LSAMP: variants seen among roughly 807,000 people sequenced by gnomAD.
LSAMP encodes limbic system associated membrane protein, also known as limbic system-associated membrane protein.
A neutral mutation model predicts 38.6 loss-of-function variants in LSAMP; 7 were observed. The observed-to-expected ratio is 0.18, with a 90% CI of 0.10 to 0.34. LSAMP has a LOEUF of 0.34. Among genes scored for constraint, LSAMP ranks in the 10% least tolerant of loss-of-function variants. The pLI is 1.00. For synonymous variants in LSAMP, 154 were observed against 166.8 expected (o/e 0.92, Z 0.59); for missense variants, 313 against 420.0 (o/e 0.75, Z 2.23).
chr3:116,440,547 A>AGGTG (rs1244555097), intron 1 of LSAMP, among the ~76,000 whole-genome samples: 1 of 152,218 alleles, frequency 6.6e-6, no homozygotes, highest in Non-Finnish European at 1.5e-5. Context: ...ACAGAAACAC[A>AGGTG]GGTGGCCACA....
At position 116,286,115 on chromosome 3, in the gene LSAMP, G is replaced by C. The variant is rs1274805822; in HGVS notation, c.155+158762C>G. ...TAACTTTGAAATTCCAGGAGGAGAA[G>C]AGGGGCATTTGAGGCAATGTCCTTC... is the stretch of plus-strand genomic sequence containing the variant. On this transcript the variant is annotated intron_variant, in intron 1 of 6. Coordinates refer to ENST00000490035, the MANE Select transcript of LSAMP (RefSeq NM_002338.5). 2.0e-5 allele frequency among the ~76,000 whole-genome samples: 3 copies of C among 152,306 alleles called. No homozygotes were observed. The South Asian group carries it at 6.2e-4, about 32-fold the overall frequency.
intron 1 of LSAMP, among the ~76,000 whole-genome samples, chr3:116,391,152 C>A (rs1207970595): frequency 6.6e-6 from 1 of 152,208 alleles, no homozygotes; most frequent in Non-Finnish European, 1.5e-5. Context: ...ACTGATTTTT[C>A]CAGGGAATGA....
At chr3:115,880,512 A>G (rs1333378800) in intron 3 of LSAMP, among the ~76,000 whole-genome samples, 1 of 152,156 alleles carries the variant, frequency 6.6e-6, no homozygotes, top group African/African-American at 2.4e-5. Flanking sequence ...GATGCTCTTG[A>G]AAACAACTTT....
At chr3:116,216,501 T>A (rs926382757) in intron 1 of LSAMP, among the ~76,000 whole-genome samples, 2 of 152,126 alleles carry the variant, frequency 1.3e-5, no homozygotes, top group African/African-American at 4.8e-5. Flanking sequence ...AAAAGTGCAT[T>A]TACTCTTAAC....
At chr3:116,403,926 G>A (rs957958429) in intron 1 of LSAMP, among the ~76,000 whole-genome samples, 1 of 130,790 alleles carries the variant, frequency 7.6e-6, no homozygotes, top group African/African-American at 3.9e-5. Context: ...GGCTACTTTT[G>A]TAATTTTTTT....
At chr3:115,904,871 C>T (rs528259790) in intron 3 of LSAMP, among the ~76,000 whole-genome samples, 1 of 152,202 alleles carries the variant, frequency 6.6e-6, no homozygotes, top group Admixed American at 6.6e-5. Flanking sequence ...CACACTCCTG[C>T]CTTTCAAAAC....
chr3:116,169,972 C>A (rs57980366), intron 1 of LSAMP, among the ~76,000 whole-genome samples: 1 of 152,086 alleles, frequency 6.6e-6, no homozygotes, highest in Non-Finnish European at 1.5e-5. Flanking sequence ...CAATTTCCAG[C>A]GAATTAACGA....
intron 1 of LSAMP, among the ~76,000 whole-genome samples, chr3:116,183,645 T>C (rs2107572580): frequency 6.6e-6 from 1 of 151,966 alleles, no homozygotes; most frequent in African/African-American, 2.4e-5. Flanking sequence ...TGGCATACTG[T>C]TATTCAAATA....
chr3:116,429,275 AAG>A (rs1234034454), intron 1 of LSAMP, among the ~76,000 whole-genome samples: 2 of 152,256 alleles, frequency 1.3e-5, no homozygotes, highest in East Asian at 1.9e-4. Flanking sequence ...ACTTTACAAA[AAG>A]AGATAAAATA....
intron 1 of LSAMP, among the ~76,000 whole-genome samples, chr3:116,385,687 C>T (rs1398157318): frequency 6.6e-6 from 1 of 152,076 alleles, no homozygotes; most frequent in African/African-American, 2.4e-5. Context: ...ATTGGAATGT[C>T]TTTCCTTAAT....
At chr3:115,842,725 G>A (rs2107505804) in intron 4 of LSAMP, 147 bp from the exon 5 acceptor site, 7 of 901,890 alleles carry the variant, frequency 7.8e-6, no homozygotes, top group Non-Finnish European at 1.1e-5. Flanking sequence ...TATGTGATCA[G>A]CTCAATGGGG....
rs140838823 is a variant in LSAMP, at chr3:115,843,325, C to T, written c.650-747G>A. On this transcript the variant is annotated intron_variant, in intron 4 of 6. Transcript: ENST00000490035. ...AAAACTATCACAGGCTTGAAATCAG[C>T]TGGGAAACACATTTGACGCTCTAAT... Among the ~76,000 whole-genome samples the T allele has an allele frequency of 9.4e-4, 143 of 152,348 alleles. 3 individuals carry two copies. Among genetic ancestry groups the T allele is most frequent in the African/African-American group, 3.3e-3 (137 of 41,578 alleles).
chr3:116,082,953 G>A (rs774483665), intron 2 of LSAMP, among the ~76,000 whole-genome samples: 1 of 152,146 alleles, frequency 6.6e-6, no homozygotes, highest in Non-Finnish European at 1.5e-5. Flanking sequence ...CTTAATACCT[G>A]AGTGATGTAA....
intron 2 of LSAMP, among the ~76,000 whole-genome samples, chr3:116,024,500 GTATATTTCAGGAACATAGGAA>G (rs1316755142): frequency 1.3e-5 from 2 of 152,136 alleles, no homozygotes; most frequent in African/African-American, 4.8e-5. Flanking sequence ...AGGAGTGTCT[GTATATTTCAGGAACATAGGAA>G]CCAAGAAGAA....
chr3:116,070,184 G>T (rs797003224), intron 2 of LSAMP, among the ~76,000 whole-genome samples: 36 of 152,280 alleles, frequency 2.4e-4, no homozygotes, highest in African/African-American at 8.2e-4. Context: ...TTTAAAAAGG[G>T]AGGGACACTG....
chr3:115,815,074 C>T (rs1933972454), intron 6 of LSAMP, among the ~76,000 whole-genome samples: 1 of 152,112 alleles, frequency 6.6e-6, no homozygotes, highest in Non-Finnish European at 1.5e-5. Context: ...GTAGTCCCCC[C>T]TTATCAGTGG....
chr3:116,351,897 C>T (rs888124285), intron 1 of LSAMP, among the ~76,000 whole-genome samples: 1 of 152,016 alleles, frequency 6.6e-6, no homozygotes, highest in East Asian at 1.9e-4. Flanking sequence ...TATCAACTAA[C>T]TCCTTATTTC....
intron 3 of LSAMP, among the ~76,000 whole-genome samples, chr3:115,915,548 C>G (rs1009070448): frequency 1.3e-5 from 2 of 152,164 alleles, no homozygotes; most frequent in Non-Finnish European, 2.9e-5. Flanking sequence ...GATTTTCTTC[C>G]CATCGGTGTA....
intron 1 of LSAMP, among the ~76,000 whole-genome samples, chr3:116,216,303 C>A (rs753548170): frequency 6.6e-6 from 1 of 152,160 alleles, no homozygotes; most frequent in South Asian, 2.1e-4. Context: ...CACTCTGTAA[C>A]GGATCCTCTT....
Sources: gnomAD v4.1 joint callset for allele counts (sites outside exome capture counted in the v4.1 genomes callset) on GRCh38, gnomAD v4.1.1 for gene constraint, MANE v1.5 for transcripts, NCBI Gene and HGNC (gene_info 2026-07-23, HGNC 2026-07-21) for gene names.